Variants in PKNOX2 observed in about 807,000 individuals in gnomAD.
PKNOX2 encodes homeobox protein PKNOX2.
In PKNOX2, 14 loss-of-function variants were observed where a neutral mutation model predicts 53.1. The ratio of observed to expected loss-of-function variants is 0.26; its 90% confidence interval spans 0.17 to 0.41. The LOEUF is 0.41. PKNOX2 is among the 10% of genes least tolerant of loss of function. The probability of loss-of-function intolerance (pLI) is 1.00; values close to 1 mark genes in which losing one functional copy is unlikely to be tolerated. For synonymous variants in PKNOX2, 257 were observed against 242.8 expected (o/e 1.06, Z -0.54); for missense variants, 496 against 602.8 (o/e 0.82, Z 1.85).
chr11:125,344,362 C>T (rs1232195323), intron 3 of PKNOX2, among the ~76,000 whole-genome samples: 2 of 152,164 alleles, frequency 1.3e-5, no homozygotes, highest in East Asian at 3.9e-4. Context: ...AGGCCACGCT[C>T]CTTGGGATGG....
intron 10 of PKNOX2, among the ~76,000 whole-genome samples, chr11:125,425,986 A>G (rs1435691646): frequency 2.6e-5 from 4 of 152,328 alleles, no homozygotes; most frequent in East Asian, 1.9e-4. Context: ...ATCCTCATTC[A>G]TAAGAGAGCA....
intron 1 of PKNOX2, among the ~76,000 whole-genome samples, chr11:125,203,812 A>G (rs6590136): frequency 0.22 from 33,655 of 151,984 alleles, 3,983 homozygotes; most frequent in African/African-American, 0.31. Context: ...GAGTGTGTCC[A>G]TGTGTGCCCA....
chr11:125,316,327 GC>G (rs1949191371), intron 2 of PKNOX2, among the ~76,000 whole-genome samples: 1 of 152,154 alleles, frequency 6.6e-6, no homozygotes, highest in African/African-American at 2.4e-5. Flanking sequence ...TATGCACTGG[GC>G]CCCTAAAGAC....
At chr11:125,283,984 A>G (rs1443108982) in intron 2 of PKNOX2, among the ~76,000 whole-genome samples, 3 of 152,180 alleles carry the variant, frequency 2.0e-5, no homozygotes, top group Non-Finnish European at 4.4e-5. Flanking sequence ...TGGTTCTGAG[A>G]GTCACTAAGA....
chr11:125,361,492 A>G (rs74741615), intron 4 of PKNOX2, among the ~76,000 whole-genome samples: 13 of 152,308 alleles, frequency 8.5e-5, no homozygotes, highest in African/African-American at 2.9e-4. Flanking sequence ...AACTAGTTCT[A>G]TCTGAAACCC....
intron 7 of PKNOX2, among the ~76,000 whole-genome samples, chr11:125,401,468 C>T (rs1056329021): frequency 6.6e-6 from 1 of 151,854 alleles, no homozygotes; most frequent in South Asian, 2.1e-4. Flanking sequence ...CTGCTTTGCT[C>T]AGGCTTCAGG....
At chr11:125,354,972 A>G (rs1951524596) in intron 4 of PKNOX2, among the ~76,000 whole-genome samples, 1 of 152,226 alleles carries the variant, frequency 6.6e-6, no homozygotes, top group Non-Finnish European at 1.5e-5. Context: ...TATGTTTAGA[A>G]AGTGCAAAAG....
chr11:125,259,426 G>A (rs1944661513), intron 2 of PKNOX2, among the ~76,000 whole-genome samples: 1 of 152,064 alleles, frequency 6.6e-6, no homozygotes, highest in Non-Finnish European at 1.5e-5. Flanking sequence ...TTTTGTTCCA[G>A]TTTGTGGCTT....
intron 2 of PKNOX2, among the ~76,000 whole-genome samples, chr11:125,242,130 G>A (rs943738714): frequency 6.6e-6 from 1 of 152,132 alleles, no homozygotes; most frequent in African/African-American, 2.4e-5. Context: ...GTGGTTCCCC[G>A]TCTATGTGGG....
At chr11:125,406,272 A>G (rs1955091522) in intron 7 of PKNOX2, among the ~76,000 whole-genome samples, 2 of 152,220 alleles carry the variant, frequency 1.3e-5, no homozygotes, top group Non-Finnish European at 2.9e-5. Context: ...GGCTCTAGAG[A>G]CTAAGCCTGG....
chr11:125,388,281 C>T (rs530086741), intron 6 of PKNOX2, among the ~76,000 whole-genome samples: 7 of 152,150 alleles, frequency 4.6e-5, no homozygotes, highest in African/African-American at 1.2e-4. Flanking sequence ...AAGGTCAGAT[C>T]GCGTCATTAT....
chr11:125,324,147 C>T (rs1298230414), intron 2 of PKNOX2, among the ~76,000 whole-genome samples: 5 of 152,128 alleles, frequency 3.3e-5, no homozygotes, highest in African/African-American at 1.2e-4. Flanking sequence ...AGAGGCAGAA[C>T]AGAAGCAGCT....
At chr11:125,266,959 TATC>T (rs1945403095) in intron 2 of PKNOX2, among the ~76,000 whole-genome samples, 1 of 152,242 alleles carries the variant, frequency 6.6e-6, no homozygotes, top group Non-Finnish European at 1.5e-5. Context: ...GCAAGCACTA[TATC>T]TCCCTTTTGA....
chr11:125,192,405 T>G (rs1392303018), intron 1 of PKNOX2, among the ~76,000 whole-genome samples: 1 of 152,150 alleles, frequency 6.6e-6, no homozygotes, highest in Non-Finnish European at 1.5e-5. Flanking sequence ...GGCACTGCAA[T>G]TGTTTCCTGG....
At chr11:125,315,303 G>GAAAAAAAAAAAAAAAAAAAAA (rs534448203) in intron 2 of PKNOX2, among the ~76,000 whole-genome samples, 9 of 79,438 alleles carry the variant, frequency 1.1e-4, no homozygotes, top group Admixed American at 4.4e-4. Flanking sequence ...TGTGAAGCAG[G>GAAAAAAAAAAAAAAAAAAAAA]AAAAAAAAAA....
chr11:125,165,250 C>T lies in PKNOX2; in HGVS notation c.-201+474C>T, dbSNP rs749775925. On this transcript the variant is annotated intron_variant, in intron 1 of 12. Transcript: ENST00000298282. The surrounding 1 kb of genome is among the most constrained non-coding windows in gnomAD (Gnocchi z 4.5). The stretch of plus-strand genomic sequence containing the variant: ...GGCTGCGGACTCGAATCGCCGCGGG[C>T]CCAACCCCGTAGCGGGCGGGCGGGG... 1.3e-5 allele frequency among the ~76,000 whole-genome samples: 2 copies of T among 151,904 alleles called. No individual in the cohort carries two copies. Among genetic ancestry groups the T allele is most frequent in the Non-Finnish European group, 2.9e-5 (2 of 67,966 alleles).
At chr11:125,233,401 A>C (rs1942395272) in intron 1 of PKNOX2, among the ~76,000 whole-genome samples, 1 of 152,234 alleles carries the variant, frequency 6.6e-6, no homozygotes, top group Non-Finnish European at 1.5e-5. Flanking sequence ...GAATAATACA[A>C]GTTGGAACCC....
At chr11:125,429,514 G>A (rs1055060845) in intron 11 of PKNOX2, among the ~76,000 whole-genome samples, 3 of 152,170 alleles carry the variant, frequency 2.0e-5, no homozygotes, top group Non-Finnish European at 2.9e-5. Flanking sequence ...AGGAGGAGTA[G>A]CCATTCTGAC....
At chr11:125,218,409 G>GC (rs370693407) in intron 1 of PKNOX2, among the ~76,000 whole-genome samples, 2 of 150,952 alleles carry the variant, frequency 1.3e-5, no homozygotes, top group African/African-American at 4.9e-5. Flanking sequence ...GGCAGTGATG[G>GC]GGGGGGGACA....
Sources: gnomAD v4.1 joint callset for allele counts (sites outside exome capture counted in the v4.1 genomes callset) on GRCh38, gnomAD v4.1.1 for gene constraint, Gnocchi (gnomAD v3.1) non-coding constraint, MANE v1.5 for transcripts, NCBI Gene and HGNC (gene_info 2026-07-23, HGNC 2026-07-21) for gene names.